MYO5B: variants seen among roughly 807,000 people sequenced by gnomAD.
The protein encoded by MYO5B is unconventional myosin-Vb.
In MYO5B, 143 loss-of-function variants were observed where a neutral mutation model predicts 229.3. That is an observed-to-expected ratio of 0.62 (90% CI 0.54 to 0.72). The LOEUF (loss-of-function observed/expected upper bound fraction) is 0.72. Ranked by LOEUF, MYO5B falls within the 30% of genes least tolerant of loss-of-function variation. The pLI is 0.00. For missense variants in MYO5B, 2,321 were observed against 2,331.0 expected (o/e 1.00, Z 0.09); for synonymous variants, 918 against 885.2 (o/e 1.04, Z -0.66).
intron 12 of MYO5B, among the ~76,000 whole-genome samples, chr18:49,961,728 G>A (rs1185203395): frequency 6.6e-6 from 1 of 152,204 alleles, no homozygotes; most frequent in African/African-American, 2.4e-5. Context: ...ATAAAACCCA[G>A]ATCCTCTAAA....
At chr18:50,133,526 A>G (rs2032286796) in intron 1 of MYO5B, among the ~76,000 whole-genome samples, 1 of 152,224 alleles carries the variant, frequency 6.6e-6, no homozygotes, top group African/African-American at 2.4e-5. Context: ...CCAGTGAAGG[A>G]AGTTGACTCA....
intron 1 of MYO5B, among the ~76,000 whole-genome samples, chr18:50,109,389 C>T (rs1489032090): frequency 6.6e-6 from 1 of 151,540 alleles, no homozygotes; most frequent in Non-Finnish European, 1.5e-5. Context: ...ACCAACTTGT[C>T]AATCTTATCA....
chr18:49,992,261 C>T (rs751848197), intron 6 of MYO5B, 27 bp downstream of exon 6: 10 of 1,614,066 alleles, frequency 6.2e-6, no homozygotes, highest in Middle Eastern at 1.7e-4. Flanking sequence ...GAGAAATACA[C>T]AAAAGGGCGC....
intron 12 of MYO5B, among the ~76,000 whole-genome samples, chr18:49,956,908 G>A (rs186790981): frequency 1.3e-3 from 196 of 152,252 alleles, no homozygotes; most frequent in African/African-American, 3.3e-3. Context: ...GTGGTTGCCT[G>A]GGGCTGGAGG....
chr18:49,956,337 T>C (rs1451301306), intron 12 of MYO5B, among the ~76,000 whole-genome samples: 1 of 152,178 alleles, frequency 6.6e-6, no homozygotes, highest in Non-Finnish European at 1.5e-5. Flanking sequence ...GACAAGGAAA[T>C]GGAGACAGAG....
rs748675289 is a variant in MYO5B, at chr18:49,841,373, C to T, written c.4693G>A (p.Gly1565Arg). ...CCTGGCTCCCCACTCACCTCATCCC[C>T]GCTGTACTGCTTCAGACAGTGAAGA... ...RLLHCLKQYSGDEGFMTQNTA... is the reference protein window; with the variant it reads ...RLLHCLKQYSRDEGFMTQNTA... The change falls in exon 35 of 40, where the codon GGG becomes AGG. Residue 1565 changes from glycine (G) to arginine (R), a missense_variant. This residue lies in a region of MYO5B where 2,113 missense variants were observed against 2,044.7 expected (regional missense o/e 1.03). Transcript: ENST00000285039. The T allele has an allele frequency of 8.1e-6, 13 of 1,614,144 alleles. No individual in the cohort carries two copies. The highest frequency in any genetic ancestry group is 1.1e-5 in the Non-Finnish European group (13 of 1,179,996).
chr18:49,846,010 C>T (rs113944952), intron 33 of MYO5B, among the ~76,000 whole-genome samples: 2,578 of 152,260 alleles, frequency 0.017, 61 homozygotes, highest in South Asian at 0.12. Context: ...GTCTTTCAGT[C>T]CTAGGAGCCC....
At chr18:49,867,078 G>C (rs1342599725) in intron 27 of MYO5B, among the ~76,000 whole-genome samples, 2 of 152,186 alleles carry the variant, frequency 1.3e-5, no homozygotes, top group African/African-American at 4.8e-5. Flanking sequence ...AGGGAAGGAA[G>C]CTGGATCCAG....
chr18:50,137,976 T>C (rs73430360), intron 1 of MYO5B, among the ~76,000 whole-genome samples: 3,786 of 152,244 alleles, frequency 0.025, 133 homozygotes, highest in African/African-American at 0.086. Context: ...TGGTGCCTAA[T>C]TGAGGGTGGA....
chr18:49,850,285 G>C (rs1399187758), intron 31 of MYO5B: 2 of 166,084 alleles, frequency 1.2e-5, no homozygotes, highest in Admixed American at 5.6e-5. Flanking sequence ...GAGGAGAAGA[G>C]GAGCCCTGCT....
chr18:50,179,905 G>C (rs1446237130), intron 1 of MYO5B, among the ~76,000 whole-genome samples: 1 of 152,202 alleles, frequency 6.6e-6, no homozygotes, highest in Non-Finnish European at 1.5e-5. Context: ...GAGGGACAAA[G>C]ATAGACACAA....
At chr18:49,936,375 G>T in intron 15 of MYO5B, 26 bp from the exon 16 acceptor site, 1 of 1,534,070 alleles carries the variant, frequency 6.5e-7, no homozygotes, top group Non-Finnish European at 8.9e-7. Context: ...CCAGTGCTTG[G>T]TTAGTTTTAA....
chr18:49,908,934 C>T (rs1348346327), intron 18 of MYO5B, among the ~76,000 whole-genome samples: 1 of 152,180 alleles, frequency 6.6e-6, no homozygotes, highest in Non-Finnish European at 1.5e-5. Context: ...CTTTTCTCCC[C>T]TAAACAACCA....
chr18:49,906,998 C>A (rs1006715822), intron 18 of MYO5B, among the ~76,000 whole-genome samples: 2 of 152,130 alleles, frequency 1.3e-5, no homozygotes, highest in African/African-American at 4.8e-5. Context: ...GAAGGCAGCT[C>A]TGTGGAGGTG....
At chr18:50,174,169 A>G (rs1459103316) in intron 1 of MYO5B, among the ~76,000 whole-genome samples, 1 of 152,206 alleles carries the variant, frequency 6.6e-6, no homozygotes, top group Non-Finnish European at 1.5e-5. Context: ...CCCCACTCCC[A>G]GTACCAAATC....
chr18:49,996,676 T>A (rs1404914879), intron 5 of MYO5B, among the ~76,000 whole-genome samples: 1 of 152,138 alleles, frequency 6.6e-6, no homozygotes, highest in East Asian at 1.9e-4. Context: ...GAGGTATGTA[T>A]CAAGTAGTAT....
At chr18:49,974,780 C>CACACACACACACACAG (rs1491242801) in intron 9 of MYO5B, among the ~76,000 whole-genome samples, 165 bp from the exon 10 acceptor site, 4 of 41,354 alleles carry the variant, frequency 9.7e-5, no homozygotes, top group Admixed American at 3.9e-4. Context: ...CAGTCTCTCT[C>CACACACACACACACAG]ACACACACAC....
At chr18:49,923,576 C>T (rs921086620) in intron 17 of MYO5B, among the ~76,000 whole-genome samples, 12 of 152,180 alleles carry the variant, frequency 7.9e-5, no homozygotes, top group Non-Finnish European at 1.3e-4. Context: ...TTTCACACAG[C>T]GAGGCTTCAA....
At chr18:50,161,328 G>C (rs1380931818) in intron 1 of MYO5B, among the ~76,000 whole-genome samples, 1 of 152,160 alleles carries the variant, frequency 6.6e-6, no homozygotes, top group African/African-American at 2.4e-5. Flanking sequence ...AGGTTGCAGT[G>C]AACCAAGATA....
Sources: gnomAD v4.1 joint callset for allele counts (sites outside exome capture counted in the v4.1 genomes callset) on GRCh38, gnomAD v4.1.1 for gene constraint, gnomAD v4.1.1 regional missense constraint, MANE v1.5 for transcripts, NCBI Gene and HGNC (gene_info 2026-07-23, HGNC 2026-07-21) for gene names.